SEPTIN10: variants seen among roughly 807,000 people sequenced by gnomAD.
SEPTIN10 encodes the protein septin 10, also known as septin-10.
SEPTIN10 carries 66 observed loss-of-function variants against 54.8 expected under a neutral mutation model. The observed-to-expected ratio is 1.21, with a 90% CI of 0.99 to 1.48. SEPTIN10 has a LOEUF of 1.48. Among genes scored for constraint, SEPTIN10 ranks in the 40% most tolerant of loss-of-function variants. SEPTIN10 has a pLI of 0.00. For synonymous variants in SEPTIN10, 161 were observed against 181.0 expected (o/e 0.89, Z 0.89); for missense variants, 620 against 545.6 (o/e 1.14, Z -1.36).
At chr2:109,573,895 G>A (rs1277674235) in intron 5 of SEPTIN10, among the ~76,000 whole-genome samples, 1 of 152,018 alleles carries the variant, frequency 6.6e-6, no homozygotes, top group East Asian at 1.9e-4. Context: ...TGTATTTTAC[G>A]ACAATATCTA....
chr2:109,548,773 C>T (rs1338876452), intron 9 of SEPTIN10, among the ~76,000 whole-genome samples: 1 of 31,834 alleles, frequency 3.1e-5, no homozygotes, highest in African/African-American at 9.2e-5. Context: ...TAGGCTCCAT[C>T]TCAAAAAAAA....
intron 10 of SEPTIN10, chr2:109,544,719 A>C (rs1049338845): frequency 7.1e-6 from 6 of 844,588 alleles, no homozygotes; most frequent in South Asian, 1.1e-4. Flanking sequence ...AGCAGTAATA[A>C]ATTTATAGTT....
Position 109,543,062 on chromosome 2 carries a change from ATATATC to A in SEPTIN10, c.*1241_*1246del, listed in dbSNP as rs1266841626. On this transcript the variant is annotated 3_prime_UTR_variant, in exon 11 of 11. Transcript: ENST00000397712. ...ATTCAAGTACAAAAAATGAAAATGT[ATATATC>A]TATGACTGTTAAGAAATGTTAGAAA... is the stretch of plus-strand genomic sequence containing the variant. 6.6e-6 allele frequency: 1 copy of A among 152,654 alleles called. No homozygotes were observed. Among genetic ancestry groups the A allele is most frequent in the African/African-American group, 2.4e-5 (1 of 41,468 alleles). The allele number at this position is 152,654 out of a possible 1,614,324, so 9.5% of individuals were successfully genotyped here.
In SEPTIN10 at chr2:109,579,892, G is replaced by A. The variant is rs141653261; in HGVS notation, c.414-5125C>T. Reference sequence around the variant, plus strand: ...TCCCAGCACTTTGGGAAGCTAAGGCGTGTGGATCACCTGAGGTCAGGAGTT... The same window carrying A: ...TCCCAGCACTTTGGGAAGCTAAGGCATGTGGATCACCTGAGGTCAGGAGTT... On this transcript the variant is annotated intron_variant, in intron 4 of 10. Coordinates refer to ENST00000397712, the MANE Select transcript of SEPTIN10 (RefSeq NM_144710.5). 7.6e-4 allele frequency among the ~76,000 whole-genome samples: 115 copies of A among 151,916 alleles called. 2 individuals are homozygous for A. The East Asian group carries it at 0.021, about 27-fold the overall frequency.
intron 8 of SEPTIN10, among the ~76,000 whole-genome samples, chr2:109,553,442 G>A (rs946406127): frequency 6.6e-6 from 1 of 151,756 alleles, no homozygotes; most frequent in African/African-American, 2.4e-5. Context: ...TACATGGGAG[G>A]CTGAGGTGGG....
intron 1 of SEPTIN10, 55 bp from the exon 2 acceptor site, chr2:109,593,174 C>T: frequency 1.7e-6 from 2 of 1,152,442 alleles, no homozygotes; most frequent in Non-Finnish European, 2.5e-6. Context: ...TCCCCAAACC[C>T]CATTATCTGA....
In SEPTIN10 at chr2:109,593,079, G is replaced by T. The variant is rs760780109; in HGVS notation, c.71C>A (p.Ser24Tyr). 1.0e-5 allele frequency: 16 copies of T among 1,600,916 alleles called. No homozygotes were observed. In the South Asian group the frequency reaches 1.8e-4, roughly 18 times the overall value. ...CTGTTCATCATCTGATCCTTGTGAA[G>T]ACATACAAGTTGTTTTCGTTGCCAT... The part of the protein sequence containing the change: ...SHMATKTTCM[S>Y]SQGSDDEQIK... The change falls in exon 2 of 11, where the codon TCT (serine) becomes TAT (tyrosine). Residue 24 changes from serine (S) to tyrosine (Y), a missense_variant. By Grantham distance (144) the Ser-to-Tyr change is moderately radical (BLOSUM62 -2). Coordinates refer to ENST00000397712, the MANE Select transcript of SEPTIN10 (RefSeq NM_144710.5).
chr2:109,593,798 T>C (rs1026558753), intron 1 of SEPTIN10, among the ~76,000 whole-genome samples: 2 of 152,152 alleles, frequency 1.3e-5, no homozygotes, highest in African/African-American at 4.8e-5. Context: ...ATGTCAAGAA[T>C]GCTACAATTG....
intron 1 of SEPTIN10, chr2:109,594,894 T>G (rs1357625630): frequency 1.4e-5 from 2 of 144,382 alleles, no homozygotes; most frequent in Admixed American, 6.9e-5. Context: ...TAACAATGTG[T>G]TTTTTTTTTT....
At position 109,599,186 on chromosome 2, in the gene SEPTIN10, G is replaced by A. The variant is rs373263347; in HGVS notation, c.31-6067C>T. Among the ~76,000 whole-genome samples, 6 of 152,188 alleles carry A rather than the reference G, an allele frequency of 3.9e-5. No homozygotes were observed. The East Asian group carries it at 5.8e-4, about 15-fold the overall frequency. On this transcript the variant is annotated intron_variant, in intron 1 of 10. Transcript: ENST00000397712. ...AAGAACTCAAGTGGAGGCCGGGCGC[G>A]GTGGCTCACACCTGTAACCCCAGCA...
At chr2:109,606,732 T>A (rs914526178) in intron 1 of SEPTIN10, among the ~76,000 whole-genome samples, 2 of 124,326 alleles carry the variant, frequency 1.6e-5, no homozygotes, top group African/African-American at 3.0e-5. Flanking sequence ...CAGGCTGGAG[T>A]GCAGTGGTGC....
intron 1 of SEPTIN10, chr2:109,613,568 G>A (rs1699757269): frequency 3.9e-6 from 1 of 256,760 alleles, no homozygotes; most frequent in Admixed American, 5.4e-5. Flanking sequence ...TCCCGACGCT[G>A]GCGCCGCGCC....
chr2:109,588,129 G>C (rs1693023410), intron 2 of SEPTIN10, among the ~76,000 whole-genome samples: 1 of 151,282 alleles, frequency 6.6e-6, no homozygotes, highest in South Asian at 2.1e-4. Flanking sequence ...AGACATCGTA[G>C]AATTCTACAG....
intron 1 of SEPTIN10, among the ~76,000 whole-genome samples, chr2:109,599,386 A>G (rs1397749545): frequency 6.8e-6 from 1 of 147,004 alleles, no homozygotes; most frequent in East Asian, 2.1e-4. Context: ...TGAACTCAGG[A>G]GGCGGAGGTT....
chr2:109,552,677 C>T (rs2104778052), intron 9 of SEPTIN10: 1 of 176,454 alleles, frequency 5.7e-6, no homozygotes, highest in African/African-American at 2.4e-5. Context: ...AAGAAAACAT[C>T]CAGTCGTGTT....
intron 1 of SEPTIN10, among the ~76,000 whole-genome samples, chr2:109,602,822 C>T (rs1288034610): frequency 6.8e-6 from 1 of 148,080 alleles, no homozygotes; most frequent in Non-Finnish European, 1.5e-5. Flanking sequence ...GAGAGAGGAG[C>T]TGAAGAAAAG....
At chr2:109,596,547 G>A (rs1409928469) in intron 1 of SEPTIN10, among the ~76,000 whole-genome samples, 1 of 151,914 alleles carries the variant, frequency 6.6e-6, no homozygotes, top group Non-Finnish European at 1.5e-5. Flanking sequence ...AACCCAGGAG[G>A]CAGAGCTTGC....
Position 109,544,221 on chromosome 2 carries a change from A to G in SEPTIN10, c.*88T>C. ...CACCAAATATAGAAGTGATAAAACA[A>G]ATAACAGCAAAATCAAAGCACACTT... On this transcript the variant is annotated 3_prime_UTR_variant, in exon 11 of 11. Transcript: ENST00000397712. 4 of 1,611,002 alleles carry G rather than the reference A, an allele frequency of 2.5e-6. No homozygotes were observed. The highest frequency in any genetic ancestry group is 3.4e-6 in the Non-Finnish European group (4 of 1,178,910).
chr2:109,554,133 CAAG>C (rs1397999809), intron 8 of SEPTIN10, among the ~76,000 whole-genome samples: 2 of 151,884 alleles, frequency 1.3e-5, no homozygotes, highest in African/African-American at 2.4e-5. Flanking sequence ...TTAACAAAAA[CAAG>C]AAGGACAATT....
Sources: gnomAD v4.1 joint callset for allele counts (sites outside exome capture counted in the v4.1 genomes callset) on GRCh38, gnomAD v4.1.1 for gene constraint, MANE v1.5 for transcripts, NCBI Gene and HGNC (gene_info 2026-07-23, HGNC 2026-07-21) for gene names.